The following BTNL8 variants were observed in gnomAD, a reference collection of about 807,000 sequenced individuals.
BTNL8 encodes butyrophilin like 8.
A neutral mutation model predicts 36.1 loss-of-function variants in BTNL8; 22 were observed. The ratio of observed to expected loss-of-function variants is 0.61; its 90% confidence interval spans 0.44 to 0.87. The LOEUF (loss-of-function observed/expected upper bound fraction) is 0.87, where lower values mean the gene tolerates loss of function less well. Among genes scored for constraint, BTNL8 ranks in the 40% least tolerant of loss-of-function variants. The pLI is 0.00. For synonymous variants in BTNL8, 203 were observed against 235.6 expected (o/e 0.86, Z 1.27); for missense variants, 526 against 616.9 (o/e 0.85, Z 1.56).
rs759171687 is a variant in BTNL8, at chr5:180,908,695, G to T, written c.159G>T (p.Val53=). ...SPKTNAEAME[V]RFFRGQFSSV... ...AGACCAATGCAGAGGCCATGGAAGT[G>T]CGGTTCTTCAGGGGCCAGTTCTCTA... The change falls in exon 2 of 8, where the codon GTG becomes GTT. Residue 53 remains valine, a synonymous_variant. Coordinates refer to ENST00000340184, the MANE Select transcript of BTNL8 (RefSeq NM_001040462.3). 2.5e-5 allele frequency: 40 copies of T among 1,614,088 alleles called. No individual in the cohort carries two copies. The highest frequency in any genetic ancestry group is 3.3e-5 in the Non-Finnish European group (39 of 1,180,042).
At chr5:180,948,506 C>G in intron 5 of BTNL8, 131 bp downstream of exon 5, 1 of 1,607,298 alleles carries the variant, frequency 6.2e-7, no homozygotes, top group Non-Finnish European at 8.5e-7. Flanking sequence ...AGGAGAGCAG[C>G]TGCTCGCTCT....
chr5:180,909,342 T>C (rs1244006532), intron 2 of BTNL8, among the ~76,000 whole-genome samples: 1 of 152,244 alleles, frequency 6.6e-6, no homozygotes, highest in Non-Finnish European at 1.5e-5. Flanking sequence ...ATCCAAATTA[T>C]TGCTTGTATC....
chr5:180,899,246 A>T lies in BTNL8; in HGVS notation c.-65A>T. Reference sequence around the variant, plus strand: ...TTAGGCCAGTTCTCCTCTTCTCTCTAATCCATCCGTCACCTCTCCTGTCAT... The same window carrying T: ...TTAGGCCAGTTCTCCTCTTCTCTCTTATCCATCCGTCACCTCTCCTGTCAT... On this transcript the variant is annotated 5_prime_UTR_variant, in exon 1 of 8. Transcript: ENST00000340184. 1 of 1,579,070 alleles carries T rather than the reference A, an allele frequency of 6.3e-7. No homozygotes were observed. Among genetic ancestry groups the T allele is most frequent in the South Asian group, 1.1e-5 (1 of 90,294 alleles).
chr5:180,934,431 C>G (rs962423279), intron 3 of BTNL8, among the ~76,000 whole-genome samples: 1 of 152,334 alleles, frequency 6.6e-6, no homozygotes, highest in African/African-American at 2.4e-5. Flanking sequence ...GCCTTGCAGG[C>G]TGTGCTTGGC....
In BTNL8 at chr5:180,908,546, A is replaced by G. The variant is rs375698286; in HGVS notation, c.50-40A>G. The G allele has an allele frequency of 5.0e-6, 8 of 1,596,824 alleles. No homozygotes were observed. In the African/African-American group the frequency reaches 9.4e-5, roughly 19 times the overall value. On this transcript the variant is annotated intron_variant, in intron 1 of 7. Coordinates refer to ENST00000340184, the MANE Select transcript of BTNL8 (RefSeq NM_001040462.3). ...ATCTTGGCTCCTCCCCCTCACTACA[A>G]AGGGTTTTGATGATTTATCTTTTGT...
At position 180,949,872 on chromosome 5, in the gene BTNL8, T is replaced by C. The variant is rs1759463897; in HGVS notation, c.863-32T>C. 3.5e-6 allele frequency: 5 copies of C among 1,428,598 alleles called. 1 individual carries two copies. The South Asian group carries it at 4.6e-5, about 13-fold the overall frequency. 88.5% of individuals were successfully genotyped at this position (1,428,598 alleles called of 1,614,324 possible). A position where few individuals can be genotyped will look rare whatever the true frequency, so the allele number is the denominator to read the frequency against. On this transcript the variant is annotated intron_variant, in intron 7 of 7. Coordinates refer to ENST00000340184, the MANE Select transcript of BTNL8 (RefSeq NM_001040462.3). ...CAGCCCAGATTTCGTCTTCAGTAAC[T>C]CATGCTTCCTCTCTCCCCCACCGCA... is the stretch of plus-strand genomic sequence containing the variant.
chr5:180,946,833 A>C (rs1759277278), intron 3 of BTNL8, among the ~76,000 whole-genome samples: 1 of 152,046 alleles, frequency 6.6e-6, no homozygotes, highest in Non-Finnish European at 1.5e-5. Context: ...ATCATTCCAC[A>C]TTGTAGGCAT....
At chr5:180,903,138 C>A (rs1756905961) in intron 1 of BTNL8, among the ~76,000 whole-genome samples, 1 of 120,764 alleles carries the variant, frequency 8.3e-6, no homozygotes, top group Non-Finnish European at 1.6e-5. Context: ...TACAGTCCCA[C>A]CAACAGTGTA....
At chr5:180,902,487 T>C in intron 1 of BTNL8, 1 of 1,361,686 alleles carries the variant, frequency 7.3e-7, no homozygotes, top group Non-Finnish European at 1.0e-6. Context: ...CCCAGCCCAA[T>C]GGAGCCCTGA....
At chr5:180,926,764 C>A (rs1386042690) in intron 3 of BTNL8, among the ~76,000 whole-genome samples, 2 of 152,218 alleles carry the variant, frequency 1.3e-5, no homozygotes, top group Non-Finnish European at 2.9e-5. Flanking sequence ...GCCAGACTGC[C>A]TCTCTAGATT....
In BTNL8 at chr5:180,908,899, C is replaced by A; in HGVS notation, c.363C>A (p.Tyr121Ter). 1 of 1,613,906 alleles carries A rather than the reference C, an allele frequency of 6.2e-7. No homozygotes were observed. Among genetic ancestry groups the A allele is most frequent in the African/African-American group, 1.3e-5 (1 of 75,028 alleles). Residue 121 changes from tyrosine to a stop codon, truncating the protein, a stop_gained, in exon 2 of 8, where the codon TAC becomes TAA. Transcript: ENST00000340184. LOFTEE classifies it high-confidence loss of function. Reference protein sequence around the residue: ...LYGCRISSQSYYQKAIWELQV... With the variant: ...LYGCRISSQS The stretch of plus-strand genomic sequence containing the variant: ...GGTGCAGGATTAGTTCCCAGTCTTA[C>A]TACCAGAAGGCCATCTGGGAGCTAC...
rs1209825715 is a variant in BTNL8 at position 180,908,835 on chromosome 5, G to C, written c.299G>C (p.Arg100Thr). ...DSIAEGRISL[R>T]LENITVLDAG... ...ATTGCGGAGGGGCGCATCTCTCTGAGGCTGGAAAACATTACTGTGTTGGAT... is the reference window on the plus strand; with the variant it reads ...ATTGCGGAGGGGCGCATCTCTCTGACGCTGGAAAACATTACTGTGTTGGAT... The change falls in exon 2 of 8, where the codon AGG becomes ACG. Residue 100 changes from arginine to threonine, a missense_variant. This residue lies in a region of BTNL8 where 350 missense variants were observed against 324.6 expected (regional missense o/e 1.08). Coordinates refer to ENST00000340184, the MANE Select transcript of BTNL8 (RefSeq NM_001040462.3). 3.7e-6 allele frequency: 6 copies of C among 1,614,050 alleles called. No homozygotes were observed. Among genetic ancestry groups the C allele is most frequent in the Admixed American group, 1.7e-5 (1 of 60,002 alleles).
rs754776707 is a variant in BTNL8 at position 180,911,380 on chromosome 5, G to T, written c.439G>T (p.Asp147Tyr). The change falls in exon 3 of 8, where the codon GAT (aspartate) becomes TAT (tyrosine). Residue 147 changes from aspartate (D) to tyrosine (Y), a missense_variant. Physicochemically the swap from Asp to Tyr is radical, Grantham distance 160. Transcript: ENST00000340184. ...VPLISITGYV[D>Y]RDIQLLCQSS... Reference sequence around the variant, plus strand: ...TCTCATTTCCATCACGGGATATGTTGATAGAGACATCCAGCTACTCTGTCA... The same window carrying T: ...TCTCATTTCCATCACGGGATATGTTTATAGAGACATCCAGCTACTCTGTCA... The T allele has an allele frequency of 2.5e-6, 4 of 1,614,160 alleles. No homozygotes were observed. The highest frequency in any genetic ancestry group is 3.4e-6 in the Non-Finnish European group (4 of 1,180,032).
At chr5:180,927,947 A>G (rs1212013464) in intron 3 of BTNL8, among the ~76,000 whole-genome samples, 2 of 152,226 alleles carry the variant, frequency 1.3e-5, no homozygotes, top group Admixed American at 1.3e-4. Flanking sequence ...CAACCTAGTA[A>G]GACAGGCCAA....
chr5:180,913,689 G>A (rs4700769), intron 3 of BTNL8, among the ~76,000 whole-genome samples: 31,044 of 152,194 alleles, frequency 0.2, 3,814 homozygotes, highest in Non-Finnish European at 0.26. Context: ...GGATCAAAAT[G>A]TGGCCCACAG....
intron 3 of BTNL8, among the ~76,000 whole-genome samples, chr5:180,943,284 T>C (rs1304334067): frequency 2.4e-4 from 36 of 151,646 alleles, no homozygotes; most frequent in Admixed American, 2.4e-3. Context: ...ACAGACACCA[T>C]CCACCACACC....
intron 1 of BTNL8, among the ~76,000 whole-genome samples, chr5:180,899,629 C>T (rs1421286728): frequency 6.6e-6 from 1 of 152,128 alleles, no homozygotes; most frequent in Non-Finnish European, 1.5e-5. Context: ...CCCAGATGGG[C>T]TGAGTGGTGT....
In BTNL8 at chr5:180,948,241, G is replaced by A; in HGVS notation, c.788-114G>A. ...AGACGAGCACATATAAGTGTCCTAG[G>A]AGAGGCCCTGCCCTTCACACCTGCA... On this transcript the variant is annotated intron_variant, in intron 4 of 7. Transcript: ENST00000340184. 5.0e-6 allele frequency: 7 copies of A among 1,386,920 alleles called. 1 individual carries two copies. The highest frequency in any genetic ancestry group is 7.0e-6 in the Non-Finnish European group (7 of 994,234). 85.9% of individuals were successfully genotyped at this position (1,386,920 alleles called of 1,614,324 possible). A position where few individuals can be genotyped will look rare whatever the true frequency, so the allele number is the denominator to read the frequency against.
At chr5:180,902,140 C>T (rs796954241) in intron 1 of BTNL8, among the ~76,000 whole-genome samples, 4 of 151,802 alleles carry the variant, frequency 2.6e-5, no homozygotes, top group African/African-American at 9.7e-5. Context: ...ATTAGAAAGA[C>T]GTCAACTTTG....
Sources: gnomAD v4.1 joint callset for allele counts (sites outside exome capture counted in the v4.1 genomes callset) on GRCh38, gnomAD v4.1.1 for gene constraint, gnomAD v4.1.1 regional missense constraint, MANE v1.5 for transcripts, NCBI Gene and HGNC (gene_info 2026-07-23, HGNC 2026-07-21) for gene names.